The following HEXD variants were observed in gnomAD, a reference collection of about 807,000 sequenced individuals.
The protein encoded by HEXD is N-acetyl-beta-galactosaminidase.
In HEXD, 47 loss-of-function variants were observed where a neutral mutation model predicts 54.2. The observed-to-expected ratio is 0.87, with a 90% CI of 0.69 to 1.11. HEXD has a LOEUF of 1.11. Among genes scored for constraint, HEXD ranks in the 50% least tolerant of loss-of-function variants. The pLI is 0.00. For missense variants in HEXD, 576 were observed against 649.2 expected (o/e 0.89, Z 1.23); for synonymous variants, 293 against 287.6 (o/e 1.02, Z -0.19).
In HEXD at chr17:82,424,462, C is replaced by G; in HGVS notation, c.153C>G (p.Tyr51Ter). 6.2e-7 allele frequency: 1 copy of G among 1,613,994 alleles called. No homozygotes were observed. The highest frequency in any genetic ancestry group is 1.6e-4 in the Middle Eastern group (1 of 6,062). Residue 51 changes from tyrosine to a stop codon, truncating the protein, a stop_gained, in exon 3 of 13, where the codon TAC (tyrosine) becomes TAG (stop). Transcript: ENST00000327949. LOFTEE classifies it high-confidence loss of function. ...TTGAGTATGAAGACATGTTTCCCTA[C>G]GAGGGCCCTCTGAGGCTGCTGAGGG... ...LLIEYEDMFPYEGPLRLLRAK... is the reference protein window; with the variant it reads ...LLIEYEDMFP
chr17:82,424,339 C>G, intron 2 of HEXD, 55 bp from the exon 3 acceptor site: 1 of 1,170,968 alleles, frequency 8.5e-7, no homozygotes, highest in East Asian at 2.3e-5. Context: ...TGTGGACTTG[C>G]CACATCGTGC....
intron 4 of HEXD, among the ~76,000 whole-genome samples, chr17:82,433,244 C>T (rs1041677509): frequency 6.7e-6 from 1 of 149,618 alleles, no homozygotes; most frequent in Non-Finnish European, 1.5e-5. Flanking sequence ...GAGTTCAAGA[C>T]CAGCCTGGCC....
At position 82,442,281 on chromosome 17, in the gene HEXD, C is replaced by G; in HGVS notation, c.1358C>G (p.Pro453Arg). The G allele has an allele frequency of 6.2e-7, 1 of 1,607,750 alleles. No homozygotes were observed. Among genetic ancestry groups the G allele is most frequent in the Non-Finnish European group, 8.5e-7 (1 of 1,179,916 alleles). The stretch of plus-strand genomic sequence containing the variant: ...GAGTGGCTGGAGGAAAACGTGCACC[C>G]CAGCCTGCAGCGGCTGCAAGCTCTG... ...VEEWLEENVH[P>R]SLQRLQALLQ... Residue 453 changes from proline to arginine, a missense_variant, in exon 13 of 13, where the codon CCC becomes CGC. Pro to Arg is a moderately radical substitution (Grantham distance 103). Coordinates refer to ENST00000327949, the MANE Select transcript of HEXD (RefSeq NM_001330542.2). This position sits in a 1 kb window ranked among gnomAD's most constrained non-coding sequence, Gnocchi z 6.8.
In HEXD at chr17:82,435,815, G is replaced by GT; in HGVS notation, c.575dup (p.Thr193AspfsTer14). On this transcript the variant is annotated frameshift_variant, in exon 6 of 13. Transcript: ENST00000327949. LOFTEE classifies it high-confidence loss of function. Reference sequence around the variant, plus strand: ...CGGCGTGAAGGCCCGGCGCCCCAGCGTGACACCCCTGGTGTGGGACGACAT... The same window carrying GT: ...CGGCGTGAAGGCCCGGCGCCCCAGCGTTGACACCCCTGGTGTGGGACGACAT... The GT allele has an allele frequency of 6.2e-7, 1 of 1,612,472 alleles. No individual in the cohort carries two copies. The highest frequency in any genetic ancestry group is 8.5e-7 in the Non-Finnish European group (1 of 1,179,816).
Position 82,439,674 on chromosome 17 carries a change from G to A in HEXD, c.943G>A (p.Val315Ile), listed in dbSNP as rs760345686. The change falls in exon 9 of 13, where the codon GTC (valine) becomes ATC (isoleucine). Residue 315 changes from valine to isoleucine, a missense_variant. Physicochemically the swap from Val to Ile is conservative, Grantham distance 29 (BLOSUM62 3). Transcript: ENST00000327949. ...GCTGTGCGAGCTGCTGCCCGCAGGAGTCCCGTCCCTGGCCGCCTGCCTGCA... is the reference window on the plus strand; with the variant it reads ...GCTGTGCGAGCTGCTGCCCGCAGGAATCCCGTCCCTGGCCGCCTGCCTGCA... ...SVLCELLPAGVPSLAACLQLL... is the reference protein window; with the variant it reads ...SVLCELLPAGIPSLAACLQLL... 8 of 1,598,440 alleles carry A rather than the reference G, an allele frequency of 5.0e-6. No homozygotes were observed.
At chr17:82,426,195 G>C (rs1309550305) in intron 3 of HEXD, 1 of 152,458 alleles carries the variant, frequency 6.6e-6, no homozygotes, top group Non-Finnish European at 1.5e-5. Flanking sequence ...GCCTGGACGG[G>C]AGGGGTTTGG....
rs867917831 is a variant in HEXD at position 82,418,613 on chromosome 17, G to A, written c.-179G>A. 3 of 371,350 alleles carry A rather than the reference G, an allele frequency of 8.1e-6. No individual in the cohort carries two copies. The highest frequency in any genetic ancestry group is 8.7e-4 in the Middle Eastern group (1 of 1,152). 23.0% of individuals were successfully genotyped at this position (371,350 alleles called of 1,614,324 possible). A position where few individuals can be genotyped will look rare whatever the true frequency, so the allele number is the denominator to read the frequency against. ...CGACGCGCTCGGCCATCGGCCCCTG[G>A]GCTGGCGGCCAGGCCCGAGCAATCG... On this transcript the variant is annotated 5_prime_UTR_variant, in exon 1 of 13. An upstream open reading frame in the 5' UTR gains an earlier in-frame stop. Coordinates refer to ENST00000327949, the MANE Select transcript of HEXD (RefSeq NM_001330542.2).
At position 82,440,034 on chromosome 17, in the gene HEXD, G is replaced by A; in HGVS notation, c.982+321G>A. The A allele has an allele frequency of 2.3e-6, 3 of 1,325,476 alleles. No homozygotes were observed. In the African/African-American group the frequency reaches 4.4e-5, roughly 20 times the overall value. The allele number at this position is 1,325,476 out of a possible 1,614,324, so 82.1% of individuals were successfully genotyped here. The stretch of plus-strand genomic sequence containing the variant: ...TCCACCTTTGCTGCACACACGTCCT[G>A]CCCACCTGGCCGAGCAGGTGTGGGG... On this transcript the variant is annotated intron_variant, in intron 9 of 12. Transcript: ENST00000327949.
intron 7 of HEXD, 70 bp from the exon 8 acceptor site, chr17:82,437,098 C>T (rs1012247809): frequency 1.1e-5 from 15 of 1,363,600 alleles, no homozygotes; most frequent in African/African-American, 4.3e-5. Flanking sequence ...GGTACAGCCC[C>T]GGGAGGCGTG....
Position 82,442,331 on chromosome 17 carries a change from G to GC in HEXD, c.1415dup (p.Leu473AlafsTer71), listed in dbSNP as rs762214943. 51 of 1,610,392 alleles carry GC rather than the reference G, an allele frequency of 3.2e-5. No individual in the cohort carries two copies. Among genetic ancestry groups the GC allele is most frequent in the African/African-American group, 4.0e-5 (3 of 74,894 alleles). On this transcript the variant is annotated frameshift_variant, in exon 13 of 13. Transcript: ENST00000327949. LOFTEE classifies it low-confidence loss of function (END_TRUNC). This position sits in a 1 kb window ranked among gnomAD's most constrained non-coding sequence, Gnocchi z 6.8. ...GCTGCAGGACCTCAGCGAGGTGTCTGCCCCCCCGCTGCCACCCACCAGCCC... is the reference window on the plus strand; with the variant it reads ...GCTGCAGGACCTCAGCGAGGTGTCTGCCCCCCCCGCTGCCACCCACCAGCCC...
intron 4 of HEXD, among the ~76,000 whole-genome samples, chr17:82,432,714 C>T (rs1023791873): frequency 1.1e-4 from 16 of 151,928 alleles, no homozygotes; most frequent in Non-Finnish European, 1.2e-4. Context: ...GTAGCTGGAC[C>T]ACAGGCAGGT....
At position 82,418,477 on chromosome 17, in the gene HEXD, A is replaced by AGGAGCCATCGGACCAGGCCGCCGC; in HGVS notation, c.-308_-285dup. Reference sequence around the variant, plus strand: ...GCGCCTTGGTTGCGGCCCTCCGCTGAGGAGCCATCGGACCAGGCCGCCGCG... The same window carrying AGGAGCCATCGGACCAGGCCGCCGC: ...GCGCCTTGGTTGCGGCCCTCCGCTGAGGAGCCATCGGACCAGGCCGCCGCGGAGCCATCGGACCAGGCCGCCGCG... On this transcript the variant is annotated 5_prime_UTR_variant, in exon 1 of 13. Coordinates refer to ENST00000327949, the MANE Select transcript of HEXD (RefSeq NM_001330542.2). 6.8e-7 allele frequency: 1 copy of AGGAGCCATCGGACCAGGCCGCCGC among 1,463,678 alleles called. No individual in the cohort carries two copies. Among genetic ancestry groups the AGGAGCCATCGGACCAGGCCGCCGC allele is most frequent in the Non-Finnish European group, 9.0e-7 (1 of 1,112,598 alleles). 90.7% of individuals were successfully genotyped at this position (1,463,678 alleles called of 1,614,324 possible).
At position 82,442,322 on chromosome 17, in the gene HEXD, G is replaced by A. The variant is rs200418459; in HGVS notation, c.1399G>A (p.Glu467Lys). The change falls in exon 13 of 13, where the codon GAG becomes AAG. Residue 467 changes from glutamate to lysine, a missense_variant. Coordinates refer to ENST00000327949, the MANE Select transcript of HEXD (RefSeq NM_001330542.2). The surrounding 1 kb of genome is among the most constrained non-coding windows in gnomAD (Gnocchi z 6.8). ...GCAAGCTCTGCTGCAGGACCTCAGC[G>A]AGGTGTCTGCCCCCCCGCTGCCACC... ...RLQALLQDLS[E>K]VSAPPLPPTS... The A allele has an allele frequency of 1.3e-4, 210 of 1,610,590 alleles. 1 individual carries two copies. The Admixed American group carries it at 1.3e-3, about 10-fold the overall frequency.
In HEXD at chr17:82,422,431, A is replaced by T. The variant is rs186628737; in HGVS notation, c.85-1963A>T. On this transcript the variant is annotated intron_variant, in intron 2 of 12. Transcript: ENST00000327949. Reference sequence around the variant, plus strand: ...AGAATCACCTGAACCTGGGTGGTGGAGGTTGCAGTGAGCCAAGATCGTGCC... The same window carrying T: ...AGAATCACCTGAACCTGGGTGGTGGTGGTTGCAGTGAGCCAAGATCGTGCC... Among the ~76,000 whole-genome samples the T allele has an allele frequency of 3.4e-4, 52 of 151,506 alleles. 1 individual carries two copies. The highest frequency in any genetic ancestry group is 1.3e-3 in the African/African-American group (52 of 41,200).
chr17:82,436,458 A>T (rs1273667317), intron 6 of HEXD, among the ~76,000 whole-genome samples: 1 of 152,248 alleles, frequency 6.6e-6, no homozygotes, highest in Admixed American at 6.5e-5. Context: ...GTAGAGCAGC[A>T]GTGGGAGCAT....
intron 2 of HEXD, among the ~76,000 whole-genome samples, chr17:82,421,285 C>A (rs1301410974): frequency 6.6e-6 from 1 of 152,088 alleles, no homozygotes; most frequent in African/African-American, 2.4e-5. Context: ...AAATACGTAA[C>A]AAAACTTCCT....
At position 82,423,835 on chromosome 17, in the gene HEXD, A is replaced by C. The variant is rs930819484; in HGVS notation, c.85-559A>C. ...CTCAAAAAAAAAAAAAAAAGAGAGA[A>C]AGACAAGGAAGTGGGGAGGAGAATA... On this transcript the variant is annotated intron_variant, in intron 2 of 12. Coordinates refer to ENST00000327949, the MANE Select transcript of HEXD (RefSeq NM_001330542.2). Among the ~76,000 whole-genome samples, 17 of 151,302 alleles carry C rather than the reference A, an allele frequency of 1.1e-4. 1 individual carries two copies. The South Asian group carries it at 3.1e-3, about 28-fold the overall frequency.
chr17:82,440,322 G>A (rs1001636485), intron 9 of HEXD: 25 of 1,251,294 alleles, frequency 2.0e-5, no homozygotes, highest in African/African-American at 6.2e-5. Context: ...GCCCAGGGAC[G>A]GGGACGCGGC....
In HEXD at chr17:82,418,575, A is replaced by G. The variant is rs2053133559; in HGVS notation, c.-217A>G. ...AGGGAGCGCGAGGCAGGCACGGCGC[A>G]GGGACGCGAGTGCGACGCGCTCGGC... On this transcript the variant is annotated 5_prime_UTR_variant, in exon 1 of 13. Coordinates refer to ENST00000327949, the MANE Select transcript of HEXD (RefSeq NM_001330542.2). The G allele has an allele frequency of 2.7e-5, 17 of 625,554 alleles. No individual in the cohort carries two copies. The highest frequency in any genetic ancestry group is 3.8e-5 in the Non-Finnish European group (17 of 441,762). 38.8% of individuals were successfully genotyped at this position (625,554 alleles called of 1,614,324 possible). A position where few individuals can be genotyped will look rare whatever the true frequency, so the allele number is the denominator to read the frequency against.
Sources: allele counts gnomAD v4.1 joint callset (sites outside exome capture counted in the v4.1 genomes callset), GRCh38; gene constraint gnomAD v4.1.1; non-coding constraint Gnocchi (gnomAD v3.1); transcripts MANE v1.5; gene names NCBI Gene and HGNC (gene_info 2026-07-23, HGNC 2026-07-21).